Variants in MTRR observed in about 807,000 individuals in gnomAD.
MTRR encodes the protein methionine synthase reductase.
Under a neutral mutation model 79.2 loss-of-function variants are expected in MTRR, and 63 were observed. The ratio of observed to expected loss-of-function variants is 0.80; its 90% CI spans 0.65 to 0.98. The LOEUF (loss-of-function observed/expected upper bound fraction) is 0.98, where lower values mean the gene tolerates loss of function less well. Among genes scored for constraint, MTRR ranks in the 50% least tolerant of loss-of-function variants. The pLI, the probability that MTRR is intolerant of heterozygous loss-of-function variation, is 0.00. For missense variants in MTRR, 895 were observed against 839.6 expected (o/e 1.07, Z -0.82); for synonymous variants, 355 against 313.3 (o/e 1.13, Z -1.41).
chr5:7,881,995 T>TC (rs1381848212), intron 5 of MTRR, among the ~76,000 whole-genome samples: 1 of 152,206 alleles, frequency 6.6e-6, no homozygotes, highest in Non-Finnish European at 1.5e-5. Flanking sequence ...AGCTCTAGAC[T>TC]CCATTTTAGC....
rs180673569 is a variant in MTRR at position 7,871,921 on chromosome 5, C to G, written c.129+998C>G. ...TGGACAAAACCAAAGCCATCAGTAT[C>G]ATAAAACTAGTCCTGATTTGGCCCC... On this transcript the variant is annotated intron_variant, in intron 2 of 14. Coordinates refer to ENST00000440940, the MANE Select transcript of MTRR (RefSeq NM_002454.3). Among the ~76,000 whole-genome samples, 9 of 152,322 alleles carry G rather than the reference C, an allele frequency of 5.9e-5. No homozygotes were observed. The East Asian group carries it at 7.7e-4, about 13-fold the overall frequency.
intron 1 of MTRR, among the ~76,000 whole-genome samples, chr5:7,854,212 A>C (rs1400178311): frequency 1.3e-5 from 2 of 152,108 alleles, no homozygotes; most frequent in Non-Finnish European, 2.9e-5. Context: ...AGGATGAAAG[A>C]AGCATAAAAA....
chr5:7,889,097 AT>A lies in MTRR; in HGVS notation c.1154del (p.Leu385CysfsTer157). The stretch of plus-strand genomic sequence containing the variant: ...TTAAGGCGGGCTCCTTTTTGTAGGC[AT>A]TTTTGCGAGCCCTTGTGGACTATAC... ...LEIRAIPKKA[F>X]LRALVDYTSD... On this transcript the variant is annotated frameshift_variant, in exon 9 of 15. Coordinates refer to ENST00000440940, the MANE Select transcript of MTRR (RefSeq NM_002454.3). LOFTEE classifies it high-confidence loss of function. 6.2e-7 allele frequency: 1 copy of A among 1,614,064 alleles called. No homozygotes were observed. The highest frequency in any genetic ancestry group is 1.3e-5 in the African/African-American group (1 of 75,022).
At chr5:7,896,338 A>C (rs1303825962) in intron 12 of MTRR, 1 of 182,370 alleles carries the variant, frequency 5.5e-6, no homozygotes, top group Non-Finnish European at 1.2e-5. Flanking sequence ...TTCTGTTTAT[A>C]TTTGTGAAGT....
upstream of MTRR, chr5:7,869,147 C>T (rs763228337): frequency 1.2e-6 from 2 of 1,613,304 alleles, no homozygotes; most frequent in Non-Finnish European, 1.7e-6. Flanking sequence ...GGCGCTGCGT[C>T]AGTGCGCGCT....
chr5:7,895,797 A>G lies in MTRR; in HGVS notation c.1621A>G (p.Ile541Val), dbSNP rs752471011. 3 of 1,614,040 alleles carry G rather than the reference A, an allele frequency of 1.9e-6. No homozygotes were observed. The highest frequency in any genetic ancestry group is 1.3e-5 in the African/African-American group (1 of 74,944). Residue 541 changes from isoleucine (I) to valine (V), a missense_variant, in exon 12 of 15, where the codon ATA (isoleucine) becomes GTA (valine). Physicochemically the swap from Ile to Val is conservative, Grantham distance 29. Transcript: ENST00000440940. The stretch of plus-strand genomic sequence containing the variant: ...ACCAGATGACCCCTCAATCCCCATC[A>G]TAATGGTGGGTCCAGGAACCGGCAT... ...HLPDDPSIPI[I>V]MVGPGTGIAP...
chr5:7,850,987 G>C, upstream of MTRR: 1 of 1,292,350 alleles, frequency 7.7e-7, no homozygotes, highest in Non-Finnish European at 9.8e-7. Context: ...GCCCCGCAGC[G>C]TGGACGCGGT....
Position 7,892,783 on chromosome 5 carries a change from T to G in MTRR, c.1427T>G (p.Leu476Arg), listed in dbSNP as rs1324508393. The G allele has an allele frequency of 3.1e-6, 5 of 1,614,258 alleles. No homozygotes were observed. Among genetic ancestry groups the G allele is most frequent in the Non-Finnish European group, 4.2e-6 (5 of 1,180,042 alleles). ...TTTGTCTTCAACATTGTGGAATTTC[T>G]GTCTACTGCCACAACAGAGGTTCTG... ...LHFVFNIVEF[L>R]STATTEVLRK... is the part of the protein sequence containing the mutation. Residue 476 changes from leucine (L) to arginine (R), a missense_variant, in exon 11 of 15, where the codon CTG becomes CGG. Coordinates refer to ENST00000440940, the MANE Select transcript of MTRR (RefSeq NM_002454.3).
At position 7,878,036 on chromosome 5, in the gene MTRR, G is replaced by GC. The variant is rs771216289; in HGVS notation, c.495dup (p.Ala166ArgfsTer23). 1.4e-5 allele frequency: 23 copies of GC among 1,613,664 alleles called. No homozygotes were observed. The highest frequency in any genetic ancestry group is 1.9e-5 in the Non-Finnish European group (22 of 1,179,986). ...AGCAGAGGACAAGAGGAGATAAGTG[G>GC]CGCACTCCCGGTGGCATCACCTGCA... On this transcript the variant is annotated frameshift_variant, in exon 5 of 15. Transcript: ENST00000440940. LOFTEE classifies it high-confidence loss of function.
upstream of MTRR, chr5:7,868,831 G>C (rs533072967): frequency 5.8e-6 from 3 of 515,728 alleles, no homozygotes; most frequent in Non-Finnish European, 7.1e-6. Flanking sequence ...AGGAATGAAA[G>C]GGACCCGCGG....
chr5:7,890,137 G>T, intron 9 of MTRR: 2 of 438,956 alleles, frequency 4.6e-6, no homozygotes, highest in Non-Finnish European at 3.0e-6. Context: ...ATTTTTCTTT[G>T]GTGACACCAA....
At chr5:7,875,227 T>G (rs770970134) in intron 3 of MTRR, 31 bp from the exon 4 acceptor site, 9 of 1,400,048 alleles carry the variant, frequency 6.4e-6, no homozygotes, top group Middle Eastern at 3.5e-4. Context: ...TAAACTTTAT[T>G]GTGCATTAAT....
intron 11 of MTRR, 57 bp downstream of exon 11, chr5:7,892,970 GA>G: frequency 6.5e-7 from 1 of 1,539,512 alleles, no homozygotes; most frequent in East Asian, 2.4e-5. Flanking sequence ...TGTTTCATTA[GA>G]AAAAACAGTG....
chr5:7,892,256 A>G (rs1039310347), intron 10 of MTRR, among the ~76,000 whole-genome samples: 1 of 152,184 alleles, frequency 6.6e-6, no homozygotes, highest in Non-Finnish European at 1.5e-5. Context: ...GTGAAAAGAA[A>G]TCTACTTTTG....
intron 14 of MTRR, 117 bp downstream of exon 14, chr5:7,897,364 T>A: frequency 9.7e-7 from 1 of 1,035,700 alleles, no homozygotes. Flanking sequence ...ATTTGATTCT[T>A]AAGTACAGGA....
chr5:7,872,633 G>T (rs1340589998), intron 2 of MTRR, among the ~76,000 whole-genome samples: 1 of 152,162 alleles, frequency 6.6e-6, no homozygotes, highest in Non-Finnish European at 1.5e-5. Context: ...TTATCCCTCT[G>T]CCTTAGTGTC....
chr5:7,891,289 ATTTTTTT>A (rs71591748), intron 9 of MTRR, 76 bp from the exon 10 acceptor site: 25 of 365,266 alleles, frequency 6.8e-5, no homozygotes, highest in Middle Eastern at 6.5e-4. Context: ...AAGACATGGA[ATTTTTTT>A]TTTTTTTTTT....
intron 14 of MTRR, among the ~76,000 whole-genome samples, chr5:7,898,913 G>A (rs996102373): frequency 6.6e-6 from 1 of 152,156 alleles, no homozygotes; most frequent in African/African-American, 2.4e-5. Context: ...TGAGACTAAA[G>A]AAAAGAGATT....
chr5:7,884,034 T>G (rs1036994866), intron 6 of MTRR, among the ~76,000 whole-genome samples: 2 of 152,160 alleles, frequency 1.3e-5, no homozygotes, highest in Non-Finnish European at 2.9e-5. Context: ...CATGGTGGTG[T>G]GTACCGATGG....
Sources: gnomAD v4.1 joint callset for allele counts (sites outside exome capture counted in the v4.1 genomes callset) on GRCh38, gnomAD v4.1.1 for gene constraint, MANE v1.5 for transcripts, NCBI Gene and HGNC (gene_info 2026-07-23, HGNC 2026-07-21) for gene names.